The following DNAJC3 variants were observed in gnomAD, a reference collection of about 807,000 sequenced individuals.
DNAJC3 encodes DnaJ heat shock protein family (Hsp40) member C3, also known as dnaJ homolog subfamily C member 3.
DNAJC3 carries 38 observed loss-of-function variants against 68.6 expected under a neutral mutation model. The observed-to-expected ratio is 0.55, with a 90% CI of 0.43 to 0.73. The LOEUF (loss-of-function observed/expected upper bound fraction) is 0.73, where lower values mean the gene tolerates loss of function less well. Ranked by LOEUF, DNAJC3 falls within the 30% of genes least tolerant of loss-of-function variation. The pLI, the probability that DNAJC3 is intolerant of heterozygous loss-of-function variation, is 0.00. For synonymous variants in DNAJC3, 203 were observed against 204.0 expected, an observed-to-expected ratio of 1.00 and a Z score of 0.04; for missense variants, 526 against 591.9, an observed-to-expected ratio of 0.89 and a Z score of 1.16.
At chr13:95,778,098 C>T (rs1271360266) in intron 9 of DNAJC3, among the ~76,000 whole-genome samples, 1 of 152,116 alleles carries the variant, frequency 6.6e-6, no homozygotes, top group Non-Finnish European at 1.5e-5. Flanking sequence ...GGCCATGCTG[C>T]CCAGAGTGAG....
At chr13:95,770,650 G>T (rs1883132924) in intron 9 of DNAJC3, among the ~76,000 whole-genome samples, 1 of 152,082 alleles carries the variant, frequency 6.6e-6, no homozygotes, top group Non-Finnish European at 1.5e-5. Flanking sequence ...GTTTAAATCG[G>T]CCTAAAATAT....
intron 4 of DNAJC3, among the ~76,000 whole-genome samples, chr13:95,748,751 G>C (rs190442413): frequency 6.6e-6 from 1 of 152,200 alleles, no homozygotes; most frequent in Non-Finnish European, 1.5e-5. Context: ...GGGAGGGAAA[G>C]GTTGCAGTGA....
chr13:95,756,422 C>T (rs534486073), intron 4 of DNAJC3, among the ~76,000 whole-genome samples: 2 of 152,168 alleles, frequency 1.3e-5, no homozygotes, highest in Non-Finnish European at 2.9e-5. Flanking sequence ...CTGTTCTTCA[C>T]AAGTCAAGGG....
At chr13:95,683,221 CTTTAT>C (rs1879972038) in intron 1 of DNAJC3, among the ~76,000 whole-genome samples, 1 of 151,776 alleles carries the variant, frequency 6.6e-6, no homozygotes, top group African/African-American at 2.4e-5. Flanking sequence ...TTTTGTTTAA[CTTTAT>C]TTTATTTTAG....
At chr13:95,722,639 G>T (rs922514691) in intron 2 of DNAJC3, among the ~76,000 whole-genome samples, 9 of 150,970 alleles carry the variant, frequency 6.0e-5, no homozygotes, top group African/African-American at 2.0e-4. Flanking sequence ...TTAGCCAGCC[G>T]TGGTGGAATA....
intron 2 of DNAJC3, among the ~76,000 whole-genome samples, chr13:95,718,597 C>T (rs911777946): frequency 1.1e-4 from 16 of 152,182 alleles, no homozygotes; most frequent in South Asian, 2.1e-4. Context: ...GACGGTGTTT[C>T]ACCATGTTGG....
intron 4 of DNAJC3, among the ~76,000 whole-genome samples, chr13:95,728,184 T>C (rs73550593): frequency 0.017 from 2,594 of 152,310 alleles, 80 homozygotes; most frequent in African/African-American, 0.06. Flanking sequence ...CAGATGTTTG[T>C]GTGAACGTGA....
chr13:95,681,762 A>G (rs747629642), intron 1 of DNAJC3, among the ~76,000 whole-genome samples: 9 of 152,160 alleles, frequency 5.9e-5, no homozygotes, highest in Non-Finnish European at 1.0e-4. Context: ...CAATATTTCA[A>G]ACATTTTCCT....
chr13:95,762,453 C>A (rs896049799), intron 7 of DNAJC3, among the ~76,000 whole-genome samples: 1 of 152,064 alleles, frequency 6.6e-6, no homozygotes, highest in Non-Finnish European at 1.5e-5. Flanking sequence ...ACCATGTTTT[C>A]CTCAGGTCCT....
chr13:95,714,214 C>T (rs538727202), intron 2 of DNAJC3, among the ~76,000 whole-genome samples: 1 of 152,198 alleles, frequency 6.6e-6, no homozygotes, highest in South Asian at 2.1e-4. Context: ...CTGTGTCACC[C>T]ATGGGAATTT....
chr13:95,703,602 C>T (rs910619977), intron 1 of DNAJC3, among the ~76,000 whole-genome samples: 6 of 152,134 alleles, frequency 3.9e-5, no homozygotes, highest in African/African-American at 7.2e-5. Context: ...TTGGGGATTA[C>T]GAATGAATTT....
At chr13:95,762,740 G>A (rs1318198798) in intron 7 of DNAJC3, among the ~76,000 whole-genome samples, 1 of 152,128 alleles carries the variant, frequency 6.6e-6, no homozygotes, top group Admixed American at 6.5e-5. Context: ...ACATGCATTA[G>A]CTATTTGTCC....
intron 4 of DNAJC3, among the ~76,000 whole-genome samples, chr13:95,734,276 A>G (rs2139651102): frequency 6.6e-6 from 1 of 152,318 alleles, no homozygotes; most frequent in Non-Finnish European, 1.5e-5. Context: ...TCATTTATGA[A>G]GGATAACTTT....
chr13:95,720,971 C>T (rs1007350870), intron 2 of DNAJC3, among the ~76,000 whole-genome samples: 5 of 151,938 alleles, frequency 3.3e-5, no homozygotes, highest in African/African-American at 1.2e-4. Context: ...ATTGTGTTCA[C>T]ATTGTTGTGC....
intron 4 of DNAJC3, among the ~76,000 whole-genome samples, chr13:95,726,078 T>C (rs1881507217): frequency 6.6e-6 from 1 of 152,090 alleles, no homozygotes; most frequent in Non-Finnish European, 1.5e-5. Flanking sequence ...CTATCGTTGT[T>C]GGACATTTGG....
intron 4 of DNAJC3, among the ~76,000 whole-genome samples, chr13:95,751,744 A>T (rs906570089): frequency 1.3e-5 from 2 of 152,240 alleles, no homozygotes; most frequent in African/African-American, 2.4e-5. Flanking sequence ...TAATAAAGAC[A>T]TACCCGACAC....
chr13:95,697,913 C>G (rs1210796724), intron 1 of DNAJC3, among the ~76,000 whole-genome samples: 2 of 150,958 alleles, frequency 1.3e-5, no homozygotes, highest in Non-Finnish European at 2.9e-5. Flanking sequence ...ACAATTCCCA[C>G]TTTGAATTCT....
At chr13:95,756,577 G>A (rs969858071) in intron 4 of DNAJC3, among the ~76,000 whole-genome samples, 3 of 152,178 alleles carry the variant, frequency 2.0e-5, no homozygotes, top group Non-Finnish European at 2.9e-5. Context: ...TTGGTAGTGG[G>A]AGTATATTTT....
intron 9 of DNAJC3, among the ~76,000 whole-genome samples, chr13:95,772,885 T>C (rs1176791776): frequency 6.6e-6 from 1 of 152,234 alleles, no homozygotes; most frequent in Non-Finnish European, 1.5e-5. Context: ...TTTGCTAACA[T>C]TTTAAGAAGT....
Sources: gnomAD v4.1 joint callset for allele counts (sites outside exome capture counted in the v4.1 genomes callset) on GRCh38, gnomAD v4.1.1 for gene constraint, MANE v1.5 for transcripts, NCBI Gene and HGNC (gene_info 2026-07-23, HGNC 2026-07-21) for gene names.